The following PPP1R16B variants were observed in gnomAD, a reference collection of about 807,000 sequenced individuals.
PPP1R16B encodes the protein protein phosphatase 1 regulatory subunit 16B.
Under a neutral mutation model 61.7 loss-of-function variants are expected in PPP1R16B, and 14 were observed. The ratio of observed to expected loss-of-function variants is 0.23; its 90% CI spans 0.15 to 0.35. The LOEUF (loss-of-function observed/expected upper bound fraction) is 0.35. Ranked by LOEUF, PPP1R16B falls within the 10% of genes least tolerant of loss-of-function variation. The pLI is 1.00. For synonymous variants in PPP1R16B, 266 were observed against 305.3 expected, an observed-to-expected ratio of 0.87 and a Z score of 1.34; for missense variants, 547 against 752.5, an observed-to-expected ratio of 0.73 and a Z score of 3.19.
chr20:38,813,770 T>TCATC (rs1568650603), intron 1 of PPP1R16B, among the ~76,000 whole-genome samples: 2 of 48,584 alleles, frequency 4.1e-5, no homozygotes, highest in African/African-American at 1.5e-4. Flanking sequence ...TCATCATCAT[T>TCATC]ATTATTATTA....
At chr20:38,917,096 A>G (rs2085547786) in intron 10 of PPP1R16B, among the ~76,000 whole-genome samples, 1 of 151,980 alleles carries the variant, frequency 6.6e-6, no homozygotes, top group South Asian at 2.1e-4. Context: ...CAGGAGTTCA[A>G]GATCAGCCTG....
chr20:38,902,554 G>A (rs745319821), intron 5 of PPP1R16B, 114 bp from the exon 6 acceptor site: 60 of 1,431,498 alleles, frequency 4.2e-5, no homozygotes, highest in Non-Finnish European at 5.1e-5. Flanking sequence ...CTGCATGCCC[G>A]CTTGACTGGC....
intron 1 of PPP1R16B, among the ~76,000 whole-genome samples, chr20:38,816,434 TGTG>T (rs2084735675): frequency 6.6e-6 from 1 of 152,192 alleles, no homozygotes; most frequent in African/African-American, 2.4e-5. Flanking sequence ...TGAACAGGCC[TGTG>T]GTAGAGTGGA....
intron 2 of PPP1R16B, among the ~76,000 whole-genome samples, chr20:38,866,705 CT>C (rs1228765356): frequency 6.6e-6 from 1 of 152,156 alleles, no homozygotes; most frequent in Non-Finnish European, 1.5e-5. Context: ...GGAATCTGCA[CT>C]GTGGAGCAGA....
At chr20:38,827,177 C>T (rs2084810150) in intron 1 of PPP1R16B, among the ~76,000 whole-genome samples, 1 of 152,142 alleles carries the variant, frequency 6.6e-6, no homozygotes, top group South Asian at 2.1e-4. Flanking sequence ...GGATCCCACT[C>T]TTCATATTAC....
At chr20:38,889,468 C>G (rs575785570) in intron 2 of PPP1R16B, 127 bp from the exon 3 acceptor site, 2 of 788,702 alleles carry the variant, frequency 2.5e-6, no homozygotes, top group South Asian at 3.1e-5. Flanking sequence ...GTTGTCTCAT[C>G]TGTAAAATGG....
intron 1 of PPP1R16B, among the ~76,000 whole-genome samples, chr20:38,830,523 CTG>C (rs2084830413): frequency 6.6e-6 from 1 of 152,132 alleles, no homozygotes; most frequent in Non-Finnish European, 1.5e-5. Flanking sequence ...CAAACAGTAA[CTG>C]TGAAAACAAA....
At chr20:38,855,299 C>T (rs1225928422) in intron 2 of PPP1R16B, among the ~76,000 whole-genome samples, 1 of 151,896 alleles carries the variant, frequency 6.6e-6, no homozygotes, top group East Asian at 1.9e-4. Context: ...CCCTAATTAA[C>T]TTCTTTAAAT....
chr20:38,919,957 CT>C lies in PPP1R16B; in HGVS notation c.*1295del. 1 of 152,544 alleles carries C rather than the reference CT, an allele frequency of 6.6e-6. No individual in the cohort carries two copies. The highest frequency in any genetic ancestry group is 1.5e-5 in the Non-Finnish European group (1 of 68,194). The allele number at this position is 152,544 out of a possible 1,614,324, so 9.4% of individuals were successfully genotyped here. ...GGTGAGACAGATTTGCCAGTCAGCC[CT>C]TTTGAGTTCCCGCCTCACCCAGGGG... is the stretch of plus-strand genomic sequence containing the variant. On this transcript the variant is annotated 3_prime_UTR_variant, in exon 11 of 11. Coordinates refer to ENST00000299824, the MANE Select transcript of PPP1R16B (RefSeq NM_015568.4).
chr20:38,847,272 G>T (rs2084941393), intron 2 of PPP1R16B, among the ~76,000 whole-genome samples: 1 of 152,154 alleles, frequency 6.6e-6, no homozygotes, highest in Admixed American at 6.5e-5. Flanking sequence ...GTCTTAATTT[G>T]CATAAAATCG....
At chr20:38,862,036 A>G (rs2085055367) in intron 2 of PPP1R16B, among the ~76,000 whole-genome samples, 1 of 152,096 alleles carries the variant, frequency 6.6e-6, no homozygotes, top group South Asian at 2.1e-4. Context: ...ACCAGCCCTG[A>G]CCAAGCCCAG....
rs367628661 is a variant in PPP1R16B at position 38,859,969 on chromosome 20, C to CATTT, written c.250+23811_250+23814dup. 4.6e-3 allele frequency among the ~76,000 whole-genome samples: 703 copies of CATTT among 151,956 alleles called. 3 individuals carry two copies. Among genetic ancestry groups the CATTT allele is most frequent in the Non-Finnish European group, 6.8e-3 (465 of 67,942 alleles). On this transcript the variant is annotated intron_variant, in intron 2 of 10. Transcript: ENST00000299824. ...CATTCTGTTTTTTTCATATCTTTTA[C>CATTT]ATTTATTTATTTATTTATTTGGAGA...
At chr20:38,822,246 C>T (rs1013887878) in intron 1 of PPP1R16B, among the ~76,000 whole-genome samples, 1 of 151,506 alleles carries the variant, frequency 6.6e-6, no homozygotes, top group Non-Finnish European at 1.5e-5. Flanking sequence ...GGCTACTGTT[C>T]TGTGATTCTT....
In PPP1R16B at chr20:38,849,685, C is replaced by CA. The variant is rs112050000; in HGVS notation, c.250+13520dup. ...TTAAAAACAACAACAACAACAACAACAAAAAAAAAACAAAAAACTGTTTGT... is the reference window on the plus strand; with the variant it reads ...TTAAAAACAACAACAACAACAACAACAAAAAAAAAAACAAAAAACTGTTTGT... On this transcript the variant is annotated intron_variant, in intron 2 of 10. Transcript: ENST00000299824. Among the ~76,000 whole-genome samples, 136 of 72,126 alleles carry CA rather than the reference C, an allele frequency of 1.9e-3. 1 individual carries two copies. The highest frequency in any genetic ancestry group is 2.8e-3 in the Non-Finnish European group (97 of 34,552). 47.3% of individuals were successfully genotyped at this position (72,126 alleles called of 152,430 possible). A position where few individuals can be genotyped will look rare whatever the true frequency, so the allele number is the denominator to read the frequency against.
chr20:38,836,606 C>A (rs2084874582), intron 2 of PPP1R16B, among the ~76,000 whole-genome samples: 1 of 152,214 alleles, frequency 6.6e-6, no homozygotes, highest in South Asian at 2.1e-4. Context: ...GATCTGCCCG[C>A]CATTGGTCTC....
rs1475669698 is a variant in PPP1R16B at position 38,918,748 on chromosome 20, G to A, written c.*82G>A. 1 of 1,413,822 alleles carries A rather than the reference G, an allele frequency of 7.1e-7. No individual in the cohort carries two copies. Among genetic ancestry groups the A allele is most frequent in the South Asian group, 1.6e-5 (1 of 62,996 alleles). 87.6% of individuals were successfully genotyped at this position (1,413,822 alleles called of 1,614,324 possible). ...GCCCAACAGCCCTGGCTGGGGAGGT[G>A]TCAGGGCAGCTGGGGAGAGGTGGGC... On this transcript the variant is annotated 3_prime_UTR_variant, in exon 11 of 11. Coordinates refer to ENST00000299824, the MANE Select transcript of PPP1R16B (RefSeq NM_015568.4). The surrounding 1 kb of genome is among the most constrained non-coding windows in gnomAD (Gnocchi z 5.3).
At chr20:38,816,252 C>T (rs2084734624) in intron 1 of PPP1R16B, among the ~76,000 whole-genome samples, 1 of 152,120 alleles carries the variant, frequency 6.6e-6, no homozygotes, top group African/African-American at 2.4e-5. Context: ...TTGCAGCTGG[C>T]ACTGATTACC....
At chr20:38,852,048 G>C (rs190690262) in intron 2 of PPP1R16B, among the ~76,000 whole-genome samples, 44 of 152,248 alleles carry the variant, frequency 2.9e-4, no homozygotes, top group Admixed American at 6.5e-4. Flanking sequence ...GGGACGGCGG[G>C]GGGGGAAGGC....
intron 4 of PPP1R16B, among the ~76,000 whole-genome samples, chr20:38,896,127 CCTTCCTCCCTCCTTTCCTTCTTT>C (rs1487248470): frequency 2.1e-5 from 2 of 97,094 alleles, no homozygotes; most frequent in Admixed American, 2.1e-4. Flanking sequence ...TTCTTTCTTC[CCTTCCTCCCTCCTTTCCTTCTTT>C]CTTCCTCCCT....
Sources: gnomAD v4.1 joint callset for allele counts (sites outside exome capture counted in the v4.1 genomes callset) on GRCh38, gnomAD v4.1.1 for gene constraint, Gnocchi (gnomAD v3.1) non-coding constraint, MANE v1.5 for transcripts, NCBI Gene and HGNC (gene_info 2026-07-23, HGNC 2026-07-21) for gene names.